Variants in ARID5B observed in about 807,000 individuals in gnomAD.
The protein encoded by ARID5B is AT-rich interactive domain-containing protein 5B.
A neutral mutation model predicts 97.2 loss-of-function variants in ARID5B; 13 were observed. The ratio of observed to expected loss-of-function variants is 0.13; its 90% confidence interval spans 0.09 to 0.21. ARID5B has a LOEUF of 0.21. Ranked by LOEUF, ARID5B falls within the 10% of genes least tolerant of loss-of-function variation. The pLI, the probability that ARID5B is intolerant of heterozygous loss-of-function variation, is 1.00. For synonymous variants in ARID5B, 556 were observed against 570.3 expected (o/e 0.97, Z 0.36); for missense variants, 1,210 against 1,465.3 (o/e 0.83, Z 2.84).
chr10:62,050,213 C>G (rs1171444055), intron 4 of ARID5B, among the ~76,000 whole-genome samples: 1 of 152,106 alleles, frequency 6.6e-6, no homozygotes, highest in Non-Finnish European at 1.5e-5. Flanking sequence ...ATTAAATAAG[C>G]CTTAAGATCT....
chr10:61,913,951 A>G (rs1274035406), intron 2 of ARID5B, among the ~76,000 whole-genome samples: 1 of 152,112 alleles, frequency 6.6e-6, no homozygotes, highest in Non-Finnish European at 1.5e-5. Flanking sequence ...GGGTTTCTCC[A>G]TGTTGGCGAG....
intron 2 of ARID5B, among the ~76,000 whole-genome samples, chr10:61,909,511 A>G (rs992721402): frequency 6.6e-6 from 1 of 150,962 alleles, no homozygotes; most frequent in Non-Finnish European, 1.5e-5. Context: ...ATTTTTAGTA[A>G]AGACGGGGTT....
chr10:62,090,853 T>C lies in ARID5B; in HGVS notation c.1399-9T>C. The C allele has an allele frequency of 6.4e-7, 1 of 1,552,704 alleles. No individual in the cohort carries two copies. The highest frequency in any genetic ancestry group is 1.3e-5 in the South Asian group (1 of 79,810). On this transcript the variant is annotated splice_polypyrimidine_tract_variant and intron_variant, in intron 9 of 9. Transcript: ENST00000279873. ...TTTCTTCTGACTGTCTTTTGAAATA[T>C]GTTACCAGGTTTCATCAGAGCAAGA... is the stretch of plus-strand genomic sequence containing the variant.
At chr10:62,041,080 A>C (rs17216456) in intron 4 of ARID5B, among the ~76,000 whole-genome samples, 3,185 of 152,226 alleles carry the variant, frequency 0.021, 51 homozygotes, top group Non-Finnish European at 0.032. Flanking sequence ...CCCTTAGTTA[A>C]CATGTCACCA....
chr10:61,929,354 C>G (rs1844165025), intron 2 of ARID5B, among the ~76,000 whole-genome samples: 1 of 152,160 alleles, frequency 6.6e-6, no homozygotes, highest in Non-Finnish European at 1.5e-5. Flanking sequence ...TCCCTGCCAA[C>G]CCGTCTGATA....
intron 4 of ARID5B, among the ~76,000 whole-genome samples, chr10:62,002,914 G>A (rs1589254010): frequency 6.6e-6 from 1 of 152,078 alleles, no homozygotes; most frequent in South Asian, 2.1e-4. Flanking sequence ...GTATGCCTAG[G>A]CTGTAAAAAT....
chr10:61,988,596 T>C (rs1311640499), intron 3 of ARID5B, among the ~76,000 whole-genome samples: 1 of 152,156 alleles, frequency 6.6e-6, no homozygotes. Context: ...CTGTGAGGCT[T>C]TTCCTCCTGT....
chr10:62,069,620 G>T, intron 7 of ARID5B, 80 bp from the exon 8 acceptor site: 1 of 1,253,700 alleles, frequency 8.0e-7, no homozygotes, highest in South Asian at 1.2e-5. Context: ...GTTCTCTTCT[G>T]ACTGTTGCAT....
At chr10:61,946,148 C>A (rs1284015022) in intron 3 of ARID5B, among the ~76,000 whole-genome samples, 1 of 151,186 alleles carries the variant, frequency 6.6e-6, no homozygotes, top group Admixed American at 6.6e-5. Flanking sequence ...CCATAAGTGG[C>A]CAGTTGTATA....
intron 4 of ARID5B, among the ~76,000 whole-genome samples, chr10:62,030,223 G>C (rs997743918): frequency 6.6e-6 from 1 of 151,830 alleles, no homozygotes; most frequent in Non-Finnish European, 1.5e-5. Context: ...TCCGCCTCCT[G>C]GGTTCAAGCG....
intron 3 of ARID5B, among the ~76,000 whole-genome samples, chr10:61,969,374 G>T (rs1032456215): frequency 3.3e-5 from 5 of 152,030 alleles, no homozygotes; most frequent in Admixed American, 1.3e-4. Flanking sequence ...TTCTGCATAT[G>T]GAAAAGGAAT....
intron 4 of ARID5B, among the ~76,000 whole-genome samples, chr10:62,002,410 T>G (rs539341588): frequency 1.3e-5 from 2 of 152,350 alleles, no homozygotes; most frequent in South Asian, 4.1e-4. Flanking sequence ...AAGGTACCTT[T>G]AGAGACCTTC....
At chr10:62,016,012 T>C (rs1207678484) in intron 4 of ARID5B, among the ~76,000 whole-genome samples, 1 of 152,210 alleles carries the variant, frequency 6.6e-6, no homozygotes, top group Non-Finnish European at 1.5e-5. Context: ...CGACTAAGAC[T>C]CAGAGGATGG....
chr10:62,010,946 A>G lies in ARID5B; in HGVS notation c.733+10625A>G, dbSNP rs142832401. On this transcript the variant is annotated intron_variant, in intron 4 of 9. Coordinates refer to ENST00000279873, the MANE Select transcript of ARID5B (RefSeq NM_032199.3). ...TGTGGCTCTATGGGTCAGGAATATA[A>G]TATAGATCACAGTTTGGGCTGGAAT... 2.6e-5 allele frequency among the ~76,000 whole-genome samples: 4 copies of G among 152,372 alleles called. No homozygotes were observed. In the East Asian group the frequency reaches 5.8e-4, roughly 22 times the overall value.
At chr10:61,924,532 T>C (rs1264273029) in intron 2 of ARID5B, among the ~76,000 whole-genome samples, 3 of 152,212 alleles carry the variant, frequency 2.0e-5, no homozygotes, top group Admixed American at 2.0e-4. Context: ...TCTCAAATTA[T>C]CCCACTGCCT....
chr10:62,011,089 A>G (rs1486675512), intron 4 of ARID5B, among the ~76,000 whole-genome samples: 1 of 152,220 alleles, frequency 6.6e-6, no homozygotes, highest in Non-Finnish European at 1.5e-5. Flanking sequence ...GGCTTACTGC[A>G]TATGATTGAC....
In ARID5B at chr10:62,089,759, C is replaced by G. The variant is rs1840343169; in HGVS notation, c.1399-1103C>G. Among the ~76,000 whole-genome samples the G allele has an allele frequency of 2.0e-5, 3 of 152,004 alleles. No homozygotes were observed. In the South Asian group the frequency reaches 6.2e-4, roughly 31 times the overall value. On this transcript the variant is annotated intron_variant, in intron 9 of 9. Transcript: ENST00000279873. ...ACCAGGCTGGTCTTGAACTCCTGAC[C>G]TCAGGTGATCTGCCTGCCTCGGCCT...
intron 2 of ARID5B, among the ~76,000 whole-genome samples, chr10:61,909,230 T>G (rs1467530306): frequency 6.7e-6 from 1 of 148,400 alleles, no homozygotes; most frequent in Non-Finnish European, 1.5e-5. Context: ...GACCCTATGC[T>G]CCCCCCACCA....
intron 7 of ARID5B, among the ~76,000 whole-genome samples, chr10:62,065,227 T>C (rs1206038933): frequency 6.6e-6 from 1 of 152,254 alleles, no homozygotes; most frequent in Non-Finnish European, 1.5e-5. Context: ...AAATCTCACA[T>C]GCACCTAGAT....
Sources: gnomAD v4.1 joint callset for allele counts (sites outside exome capture counted in the v4.1 genomes callset) on GRCh38, gnomAD v4.1.1 for gene constraint, MANE v1.5 for transcripts, NCBI Gene and HGNC (gene_info 2026-07-23, HGNC 2026-07-21) for gene names.